LPAR1: variants seen among roughly 807,000 people sequenced by gnomAD.
LPAR1 encodes the protein lysophosphatidic acid receptor 1, also known as LPA receptor 1.
In LPAR1, 5 loss-of-function variants were observed where a neutral mutation model predicts 23.8. That is an observed-to-expected ratio of 0.21 (90% CI 0.11 to 0.44). The LOEUF (loss-of-function observed/expected upper bound fraction) is 0.44. Among genes scored for constraint, LPAR1 ranks in the 20% least tolerant of loss-of-function variants. LPAR1 has a pLI of 0.99. For missense variants in LPAR1, 311 were observed against 482.8 expected, an observed-to-expected ratio of 0.64 and a Z score of 3.33; for synonymous variants, 160 against 164.7, an observed-to-expected ratio of 0.97 and a Z score of 0.22.
At chr9:110,875,898 C>T (rs976387073) in intron 5 of LPAR1, among the ~76,000 whole-genome samples, 176 bp from the exon 6 acceptor site, 2 of 152,058 alleles carry the variant, frequency 1.3e-5, no homozygotes, top group Admixed American at 6.5e-5. Context: ...AAAAATTTAA[C>T]GATAGTCAAC....
intron 5 of LPAR1, among the ~76,000 whole-genome samples, chr9:110,936,881 C>G (rs976101907): frequency 7.2e-5 from 11 of 152,098 alleles, no homozygotes; most frequent in African/African-American, 2.4e-4. Context: ...AAGGAAAGGA[C>G]TTATAATTCA....
chr9:110,875,846 C>A, intron 5 of LPAR1, 124 bp from the exon 6 acceptor site: 1 of 495,042 alleles, frequency 2.0e-6, no homozygotes, highest in East Asian at 3.4e-5. Flanking sequence ...TTGGAAGCCA[C>A]CATTGTCGCA....
At chr9:110,934,315 G>A (rs1047488706) in intron 5 of LPAR1, 6 of 152,202 alleles carry the variant, frequency 3.9e-5, no homozygotes, top group Non-Finnish European at 5.9e-5. Context: ...AAAGCCCCCA[G>A]ATTCATCTCT....
At chr9:111,030,170 T>G (rs2097771455) in intron 2 of LPAR1, among the ~76,000 whole-genome samples, 1 of 152,134 alleles carries the variant, frequency 6.6e-6, no homozygotes, top group Admixed American at 6.5e-5. Context: ...GAGAACAGAT[T>G]GTGCTAAATC....
intron 5 of LPAR1, among the ~76,000 whole-genome samples, chr9:110,882,749 T>C (rs746454992): frequency 6.7e-6 from 1 of 148,184 alleles, no homozygotes; most frequent in African/African-American, 2.4e-5. Context: ...GACGGTGCTT[T>C]GGTTATATCT....
chr9:110,957,789 CA>C (rs1397738486), intron 4 of LPAR1, among the ~76,000 whole-genome samples: 10 of 152,070 alleles, frequency 6.6e-5, no homozygotes, highest in South Asian at 4.1e-4. Context: ...AAGAGGAAGG[CA>C]AATTGCCCCC....
At chr9:111,025,214 G>A (rs1024729214) in intron 2 of LPAR1, among the ~76,000 whole-genome samples, 1 of 152,112 alleles carries the variant, frequency 6.6e-6, no homozygotes, top group African/African-American at 2.4e-5. Context: ...AGCATCTGTT[G>A]ATTCCTGACT....
rs2078751708 is a variant in LPAR1 at position 110,874,800 on chromosome 9, T to C, written c.*621A>G. On this transcript the variant is annotated 3_prime_UTR_variant, in exon 6 of 6. Transcript: ENST00000683809. ...ACTGGCTTTGAAGTCTAGGTTCTATTTCCTAGAAGATTTAACATTAGTATC... is the reference window on the plus strand; with the variant it reads ...ACTGGCTTTGAAGTCTAGGTTCTATCTCCTAGAAGATTTAACATTAGTATC... 6.6e-6 allele frequency: 1 copy of C among 152,660 alleles called. No individual in the cohort carries two copies. Among genetic ancestry groups the C allele is most frequent in the African/African-American group, 2.4e-5 (1 of 41,460 alleles). The allele number at this position is 152,660 out of a possible 1,614,324, so 9.5% of individuals were successfully genotyped here. A position where few individuals can be genotyped will look rare whatever the true frequency, so the allele number is the denominator to read the frequency against.
rs575880636 is a variant in LPAR1, at chr9:110,946,351, A to G, written c.46-4183T>C. On this transcript the variant is annotated intron_variant, in intron 4 of 5. Coordinates refer to ENST00000683809, the MANE Select transcript of LPAR1 (RefSeq NM_001351411.2). ...TTAGTGATTTAAATTTATGTAGATT[A>G]CAAAACAAAGTTAATTAAAAGCAAC... is the stretch of plus-strand genomic sequence containing the variant. 2.0e-5 allele frequency among the ~76,000 whole-genome samples: 3 copies of G among 152,348 alleles called. No individual in the cohort carries two copies. In the East Asian group the frequency reaches 5.8e-4, roughly 29 times the overall value.
chr9:110,917,199 A>AG (rs11445373), intron 5 of LPAR1, among the ~76,000 whole-genome samples: 8 of 151,254 alleles, frequency 5.3e-5, no homozygotes, highest in Non-Finnish European at 1.0e-4. Context: ...AAAAAAAAAA[A>AG]TTAGCCAGGC....
At chr9:111,006,149 C>T (rs1233881141) in intron 2 of LPAR1, among the ~76,000 whole-genome samples, 1 of 152,118 alleles carries the variant, frequency 6.6e-6, no homozygotes. Flanking sequence ...AATTGGTTTG[C>T]CCAAAAGCAC....
intron 2 of LPAR1, among the ~76,000 whole-genome samples, chr9:110,977,060 T>C (rs2096568240): frequency 6.6e-6 from 1 of 152,138 alleles, no homozygotes; most frequent in South Asian, 2.1e-4. Flanking sequence ...AAATATATAC[T>C]TGAAAGAATC....
intron 2 of LPAR1, among the ~76,000 whole-genome samples, chr9:110,984,173 T>C (rs1325460307): frequency 6.6e-6 from 1 of 151,988 alleles, no homozygotes; most frequent in Non-Finnish European, 1.5e-5. Flanking sequence ...AAATTTACCC[T>C]GTTATGCTAC....
intron 4 of LPAR1, among the ~76,000 whole-genome samples, chr9:110,967,602 G>C (rs1053622695): frequency 4.6e-5 from 7 of 152,190 alleles, no homozygotes; most frequent in Admixed American, 2.6e-4. Context: ...TGAATTCACT[G>C]GAAAAGAAAG....
intron 4 of LPAR1, among the ~76,000 whole-genome samples, chr9:110,951,655 C>T (rs574045596): frequency 6.6e-6 from 1 of 152,228 alleles, no homozygotes; most frequent in South Asian, 2.1e-4. Context: ...TGAGGTCAGT[C>T]CTACAGTGCT....
At chr9:110,887,243 A>G (rs1383255467) in intron 5 of LPAR1, among the ~76,000 whole-genome samples, 1 of 152,166 alleles carries the variant, frequency 6.6e-6, no homozygotes, top group Non-Finnish European at 1.5e-5. Context: ...TTTTATTTAC[A>G]ATTCATTTTC....
chr9:110,981,504 T>C (rs2096665532), intron 2 of LPAR1, among the ~76,000 whole-genome samples: 1 of 151,038 alleles, frequency 6.6e-6, no homozygotes, highest in South Asian at 2.1e-4. Flanking sequence ...GTAAAAGTGA[T>C]AGCTAACATT....
intron 2 of LPAR1, among the ~76,000 whole-genome samples, chr9:111,013,386 G>T (rs2097372190): frequency 6.6e-6 from 1 of 152,186 alleles, no homozygotes; most frequent in Non-Finnish European, 1.5e-5. Context: ...GGTAAGAGAT[G>T]AATCTAATTA....
Position 110,941,172 on chromosome 9 carries a change from C to T in LPAR1, c.793+249G>A, listed in dbSNP as rs1285700450. Among the ~76,000 whole-genome samples, 1 of 152,172 alleles carries T rather than the reference C, an allele frequency of 6.6e-6. No homozygotes were observed. The highest frequency in any genetic ancestry group is 1.5e-5 in the Non-Finnish European group (1 of 68,036). On this transcript the variant is annotated intron_variant, in intron 5 of 5. Coordinates refer to ENST00000683809, the MANE Select transcript of LPAR1 (RefSeq NM_001351411.2). This position sits in a 1 kb window ranked among gnomAD's most constrained non-coding sequence, Gnocchi z 6.1. ...TTCAATATTAGATAGCCAAACTCTT[C>T]AATGACATCTTTTACATCATCATCA...
Sources: allele counts gnomAD v4.1 joint callset (sites outside exome capture counted in the v4.1 genomes callset), GRCh38; gene constraint gnomAD v4.1.1; non-coding constraint Gnocchi (gnomAD v3.1); transcripts MANE v1.5; gene names NCBI Gene and HGNC (gene_info 2026-07-23, HGNC 2026-07-21).